The following ELMO1 variants were observed in gnomAD, a reference collection of about 807,000 sequenced individuals.
ELMO1 encodes the protein engulfment and cell motility 1.
In ELMO1, 26 loss-of-function variants were observed where a neutral mutation model predicts 98.9. That is an observed-to-expected ratio of 0.26 (90% CI 0.19 to 0.36). The LOEUF is 0.36. Ranked by LOEUF, ELMO1 falls within the 10% of genes least tolerant of loss-of-function variation. The pLI, the probability that ELMO1 is intolerant of heterozygous loss-of-function variation, is 1.00. For missense variants in ELMO1, 627 were observed against 935.2 expected (o/e 0.67, Z 4.30); for synonymous variants, 346 against 346.0 (o/e 1.00, Z 0.00).
intron 4 of ELMO1, among the ~76,000 whole-genome samples, chr7:37,278,383 C>T (rs1476203735): frequency 1.3e-5 from 2 of 152,010 alleles, no homozygotes; most frequent in African/African-American, 4.8e-5. Context: ...GTGGCTTATG[C>T]CTGTGGTCCC....
intron 15 of ELMO1, among the ~76,000 whole-genome samples, chr7:37,049,484 A>G (rs1001380789): frequency 6.6e-6 from 1 of 152,180 alleles, no homozygotes; most frequent in Non-Finnish European, 1.5e-5. Context: ...AAAAATGTGA[A>G]AGGTGCAGAG....
chr7:37,080,942 C>G (rs1362662320), intron 15 of ELMO1, among the ~76,000 whole-genome samples: 1 of 152,120 alleles, frequency 6.6e-6, no homozygotes, highest in African/African-American at 2.4e-5. Flanking sequence ...TAATTGTGAT[C>G]AATGTCACCA....
chr7:37,279,121 G>T (rs1192714732), intron 4 of ELMO1, among the ~76,000 whole-genome samples: 2 of 152,174 alleles, frequency 1.3e-5, no homozygotes, highest in Non-Finnish European at 1.5e-5. Context: ...AGAATCGCTT[G>T]AAACTGGAAG....
At chr7:36,902,235 A>T (rs961351929) in intron 16 of ELMO1, among the ~76,000 whole-genome samples, 2 of 152,258 alleles carry the variant, frequency 1.3e-5, no homozygotes, top group Non-Finnish European at 2.9e-5. Flanking sequence ...TCATTAATAA[A>T]AGCAAAAAAG....
chr7:37,172,977 C>T (rs1322616046), intron 13 of ELMO1, among the ~76,000 whole-genome samples: 2 of 152,084 alleles, frequency 1.3e-5, no homozygotes, highest in Non-Finnish European at 2.9e-5. Context: ...GCAGGGAACT[C>T]GGATCCTGAA....
intron 1 of ELMO1, among the ~76,000 whole-genome samples, chr7:37,350,955 C>G (rs1801238382): frequency 6.6e-6 from 1 of 152,170 alleles, no homozygotes; most frequent in Non-Finnish European, 1.5e-5. Context: ...TGACTTCTAG[C>G]CTCCGTAACA....
At chr7:37,418,624 A>G (rs1185902482) in intron 1 of ELMO1, among the ~76,000 whole-genome samples, 1 of 152,192 alleles carries the variant, frequency 6.6e-6, no homozygotes, top group East Asian at 1.9e-4. Flanking sequence ...TCTGGTGAAT[A>G]GCAACACCAT....
chr7:37,204,615 C>CA (rs965357464), intron 13 of ELMO1, among the ~76,000 whole-genome samples: 2 of 152,010 alleles, frequency 1.3e-5, no homozygotes, highest in African/African-American at 4.8e-5. Flanking sequence ...AGGTGGCCTG[C>CA]TTTTTTTTCC....
At chr7:37,409,102 G>C (rs1488549071) in intron 1 of ELMO1, among the ~76,000 whole-genome samples, 1 of 148,316 alleles carries the variant, frequency 6.7e-6, no homozygotes, top group Non-Finnish European at 1.5e-5. Context: ...AGGTGATCCG[G>C]AAGCTGACAC....
intron 1 of ELMO1, among the ~76,000 whole-genome samples, chr7:37,356,118 ATC>A (rs1040250748): frequency 1.3e-5 from 2 of 152,056 alleles, no homozygotes; most frequent in African/African-American, 4.8e-5. Flanking sequence ...CCTTTCTCCC[ATC>A]TCTCTTTCCC....
intron 2 of ELMO1, among the ~76,000 whole-genome samples, chr7:37,319,068 A>G (rs1011838376): frequency 6.6e-6 from 1 of 151,968 alleles, no homozygotes; most frequent in Non-Finnish European, 1.5e-5. Context: ...TCAGTTCCTC[A>G]TGGATCTCAT....
intron 15 of ELMO1, among the ~76,000 whole-genome samples, chr7:37,046,471 T>C (rs10248870): frequency 2.0e-5 from 3 of 152,338 alleles, no homozygotes; most frequent in African/African-American, 7.2e-5. Context: ...TTGGAGCTAC[T>C]TTTCAGGCTT....
At chr7:37,369,857 A>T (rs1443507831) in intron 1 of ELMO1, among the ~76,000 whole-genome samples, 1 of 152,172 alleles carries the variant, frequency 6.6e-6, no homozygotes, top group African/African-American at 2.4e-5. Context: ...GTGCTTTGAC[A>T]TGCTGAACTA....
Position 36,887,597 on chromosome 7 carries a change from C to T in ELMO1, c.1677G>A (p.Gly559=). 1 of 1,614,060 alleles carries T rather than the reference C, an allele frequency of 6.2e-7. No individual in the cohort carries two copies. The highest frequency in any genetic ancestry group is 2.2e-5 in the East Asian group (1 of 44,884). The part of the protein sequence containing the change: ...KQQRLNRLVE[G]TCFRKLNARR... Reference sequence around the variant, plus strand: ...GGGCATTGAGTTTCCTAAAGCAGGTCCCTTCCACAAGGCGGTTCAGGCGTT... The same window carrying T: ...GGGCATTGAGTTTCCTAAAGCAGGTTCCTTCCACAAGGCGGTTCAGGCGTT... Residue 559 remains glycine, a synonymous_variant, in exon 18 of 22, where the codon GGG becomes GGA. Coordinates refer to ENST00000310758, the MANE Select transcript of ELMO1 (RefSeq NM_014800.11).
At chr7:37,068,612 G>T (rs961018945) in intron 15 of ELMO1, among the ~76,000 whole-genome samples, 3 of 152,162 alleles carry the variant, frequency 2.0e-5, no homozygotes, top group African/African-American at 7.2e-5. Context: ...AGGTAACTCA[G>T]AAATTAACAT....
At chr7:37,172,732 A>G (rs1230943249) in intron 13 of ELMO1, among the ~76,000 whole-genome samples, 7 of 152,358 alleles carry the variant, frequency 4.6e-5, no homozygotes, top group African/African-American at 1.4e-4. Context: ...ATTTCCAAGT[A>G]GTACATTTAT....
At chr7:37,019,919 A>C (rs1794169180) in intron 15 of ELMO1, among the ~76,000 whole-genome samples, 1 of 152,208 alleles carries the variant, frequency 6.6e-6, no homozygotes, top group South Asian at 2.1e-4. Flanking sequence ...TATAACCTGA[A>C]CATACATATT....
intron 13 of ELMO1, among the ~76,000 whole-genome samples, chr7:37,205,129 T>C (rs770142519): frequency 2.0e-5 from 3 of 152,234 alleles, no homozygotes; most frequent in Non-Finnish European, 4.4e-5. Flanking sequence ...TCCCCACTTA[T>C]CACAGACGGG....
intron 1 of ELMO1, among the ~76,000 whole-genome samples, chr7:37,350,139 G>A (rs564043521): frequency 1.1e-4 from 16 of 152,268 alleles, no homozygotes; most frequent in East Asian, 3.9e-4. Flanking sequence ...AAGACAGCCC[G>A]GGGCCTAAGA....
Sources: gnomAD v4.1 joint callset for allele counts (sites outside exome capture counted in the v4.1 genomes callset) on GRCh38, gnomAD v4.1.1 for gene constraint, MANE v1.5 for transcripts, NCBI Gene and HGNC (gene_info 2026-07-23, HGNC 2026-07-21) for gene names.